Variants in ZBED6 observed in about 807,000 individuals in gnomAD.
ZBED6 encodes the protein zinc finger BED domain-containing protein 6.
ZBED6 carries 40 observed loss-of-function variants against 58.4 expected under a neutral mutation model. The ratio of observed to expected loss-of-function variants is 0.68; its 90% CI spans 0.53 to 0.89. The LOEUF is 0.89. Among genes scored for constraint, ZBED6 ranks in the 40% least tolerant of loss-of-function variants. The pLI is 0.00. For synonymous variants in ZBED6, 439 were observed against 350.6 expected, an observed-to-expected ratio of 1.25 and a Z score of -2.82; for missense variants, 1,057 against 1,003.9, an observed-to-expected ratio of 1.05 and a Z score of -0.71.
In ZBED6 at chr1:203,811,601, T is replaced by C. The variant is rs1054769165; in HGVS notation, c.*2555-5325T>C. On this transcript the variant is annotated intron_variant, in intron 1 of 16. Transcript: ENST00000550078. ...GTGGCTCACTGCAACCTCTGCCCCCTGGATTCAAGCGATTCTTGTACATTA... is the reference window on the plus strand; with the variant it reads ...GTGGCTCACTGCAACCTCTGCCCCCCGGATTCAAGCGATTCTTGTACATTA... Among the ~76,000 whole-genome samples the C allele has an allele frequency of 6.6e-5, 10 of 152,110 alleles. No homozygotes were observed. In the South Asian group the frequency reaches 1.9e-3, roughly 28 times the overall value.
Position 203,798,802 on chromosome 1 carries a change from A to G in ZBED6, c.1280A>G (p.Tyr427Cys), listed in dbSNP as rs752837374. ...GTGGAGGATATGCATCCTTACAACTATTTCTCAACCCCAGCCTTTCAGAGG... is the reference window on the plus strand; with the variant it reads ...GTGGAGGATATGCATCCTTACAACTGTTTCTCAACCCCAGCCTTTCAGAGG... The change falls in exon 1 of 17, where the codon TAT becomes TGT. Residue 427 changes from tyrosine (Y) to cysteine (C), a missense_variant. Coordinates refer to ENST00000550078, the Ensembl canonical transcript of ZBED6. 1.6e-5 allele frequency: 24 copies of G among 1,536,012 alleles called. No homozygotes were observed. Among genetic ancestry groups the G allele is most frequent in the Admixed American group, 3.9e-5 (2 of 50,968 alleles).
chr1:203,799,719 A>G, exon 1 of ZBED6: 1 of 732,692 alleles, frequency 1.4e-6, no homozygotes, highest in South Asian at 1.5e-5. Context: ...TTTTCAAGTC[A>G]GAGGTATTAC....
intron 3 of ZBED6, among the ~76,000 whole-genome samples, chr1:203,826,956 A>C (rs548384744): frequency 6.6e-6 from 1 of 152,206 alleles, no homozygotes; most frequent in East Asian, 1.9e-4. Context: ...CTTCCCCTTC[A>C]TCCCCTTGTT....
Position 203,798,873 on chromosome 1 carries a change from T to G in ZBED6, c.1351T>G (p.Tyr451Asp), listed in dbSNP as rs1381063503. ...TGATTATAGGTTGCCATCAGAGACT[T>G]ACTTTTTCACTAAGGCTGTACCTCA... The change falls in exon 1 of 17, where the codon TAC (tyrosine) becomes GAC (aspartate). Residue 451 changes from tyrosine to aspartate, a missense_variant. Coordinates refer to ENST00000550078, the Ensembl canonical transcript of ZBED6. 10 of 1,536,020 alleles carry G rather than the reference T, an allele frequency of 6.5e-6. No individual in the cohort carries two copies. The African/African-American group carries it at 8.2e-5, about 13-fold the overall frequency.
intron 15 of ZBED6, 43 bp from the exon 16 acceptor site, chr1:203,851,014 A>T (rs1167674599): frequency 2.5e-6 from 4 of 1,599,818 alleles, no homozygotes; most frequent in Non-Finnish European, 3.4e-6. Context: ...CTCAAATTAA[A>T]AAGCCTGACT....
At chr1:203,836,180 T>C (rs1198162832) in intron 9 of ZBED6, among the ~76,000 whole-genome samples, 1 of 152,124 alleles carries the variant, frequency 6.6e-6, no homozygotes, top group Non-Finnish European at 1.5e-5. Context: ...TCCAGGAGTT[T>C]GAGTCCAGTC....
intron 9 of ZBED6, among the ~76,000 whole-genome samples, chr1:203,837,622 G>A (rs1266072301): frequency 6.6e-6 from 1 of 151,934 alleles, no homozygotes; most frequent in African/African-American, 2.4e-5. Flanking sequence ...CCACAGGTGT[G>A]TGCCACCATG....
intron 1 of ZBED6, chr1:203,805,748 C>A: frequency 1.5e-6 from 1 of 673,420 alleles, no homozygotes; most frequent in Non-Finnish European, 2.8e-6. Flanking sequence ...TCTTGGTCAG[C>A]CACAAGCTCA....
At chr1:203,829,963 A>T in intron 6 of ZBED6, 67 bp downstream of exon 6, 2 of 1,448,620 alleles carry the variant, frequency 1.4e-6, no homozygotes, top group Non-Finnish European at 1.9e-6. Context: ...TTAGTTCACA[A>T]TCATTGACCT....
intron 8 of ZBED6, among the ~76,000 whole-genome samples, chr1:203,832,249 C>G (rs990808163): frequency 6.6e-6 from 1 of 151,898 alleles, no homozygotes; most frequent in African/African-American, 2.4e-5. Flanking sequence ...TTAGTAGAGA[C>G]GGGGTTTCTC....
exon 1 of ZBED6, chr1:203,798,837 A>G: frequency 6.5e-7 from 1 of 1,536,156 alleles, no homozygotes; most frequent in Non-Finnish European, 8.7e-7. Context: ...GTTCATGCAG[A>G]TTGTGGCCCC....
intron 1 of ZBED6, 86 bp from the exon 2 acceptor site, chr1:203,816,840 C>A: frequency 2.3e-6 from 1 of 443,636 alleles, no homozygotes. Context: ...AAATTTGACT[C>A]TAGCAATACG....
At position 203,840,605 on chromosome 1, in the gene ZBED6, ATTAT is replaced by A. The variant is rs534962124; in HGVS notation, c.*3741+262_*3741+265del. On this transcript the variant is annotated intron_variant, in intron 11 of 16. Coordinates refer to ENST00000550078, the Ensembl canonical transcript of ZBED6. ...TTCATCATAGCATTAATAGTAGGAAATTATTTATTTATTTATTTATTTATTTATT... is the reference window on the plus strand; with the variant it reads ...TTCATCATAGCATTAATAGTAGGAAATTATTTATTTATTTATTTATTTATT... Among the ~76,000 whole-genome samples, 362 of 147,694 alleles carry A rather than the reference ATTAT, an allele frequency of 2.5e-3. 2 individuals are homozygous for A. Among genetic ancestry groups the A allele is most frequent in the African/African-American group, 7.1e-3 (287 of 40,482 alleles).
At chr1:203,847,678 A>G in exon 12 of ZBED6, 2 of 1,612,142 alleles carry the variant, frequency 1.2e-6, no homozygotes, top group Non-Finnish European at 1.7e-6. Flanking sequence ...GCGAATCACC[A>G]AAAGAACAGG....
chr1:203,830,402 G>T (rs193263497), intron 7 of ZBED6, among the ~76,000 whole-genome samples, 199 bp downstream of exon 7: 6 of 152,104 alleles, frequency 3.9e-5, no homozygotes, highest in Admixed American at 2.6e-4. Context: ...TTCAGAGCTG[G>T]GTACAATAAA....
rs1681286638 is a variant in ZBED6, at chr1:203,828,542, C to T, written c.*2997+120C>T. The T allele has an allele frequency of 3.2e-6, 4 of 1,257,950 alleles. No homozygotes were observed. In the South Asian group the frequency reaches 5.8e-5, roughly 18 times the overall value. 77.9% of individuals were successfully genotyped at this position (1,257,950 alleles called of 1,614,324 possible). On this transcript the variant is annotated intron_variant, in intron 4 of 16. Coordinates refer to ENST00000550078, the Ensembl canonical transcript of ZBED6. ...TTGTGAAACAGCAGAATTATTTCCA[C>T]TTTACAGATAAGTGAACTGAATCTT...
chr1:203,798,669 A>C, exon 1 of ZBED6: 11 of 1,536,152 alleles, frequency 7.2e-6, no homozygotes, highest in Non-Finnish European at 9.6e-6. Context: ...TGAAAGTCCT[A>C]TTCCCGTTGC....
At chr1:203,819,556 CAG>C (rs1314349815) in intron 3 of ZBED6, among the ~76,000 whole-genome samples, 1 of 60,078 alleles carries the variant, frequency 1.7e-5, no homozygotes, top group African/African-American at 6.8e-5. Flanking sequence ...TTTTTTGAGA[CAG>C]AGTTTTGCTC....
rs966545049 is a variant in ZBED6, at chr1:203,847,689, TAACA to T, written c.*4245+4_*4245+7del. The T allele has an allele frequency of 6.2e-7, 1 of 1,610,738 alleles. No homozygotes were observed. On this transcript the variant is annotated splice_donor_5th_base_variant and intron_variant, in intron 12 of 16. Coordinates refer to ENST00000550078, the Ensembl canonical transcript of ZBED6. The stretch of plus-strand genomic sequence containing the variant: ...TGCTGCGAATCACCAAAAGAACAGG[TAACA>T]AGAGAACTTGGTCTCTAGTACCACG...
Sources: gnomAD v4.1 joint callset for allele counts (sites outside exome capture counted in the v4.1 genomes callset) on GRCh38, gnomAD v4.1.1 for gene constraint, MANE v1.5 for transcripts, NCBI Gene and HGNC (gene_info 2026-07-23, HGNC 2026-07-21) for gene names.